The following SLC1A6 variants were observed in gnomAD, a reference collection of about 807,000 sequenced individuals.
The protein encoded by SLC1A6 is solute carrier family 1 member 6, also known as excitatory amino acid transporter 4.
A neutral mutation model predicts 42.1 loss-of-function variants in SLC1A6; 15 were observed. The ratio of observed to expected loss-of-function variants is 0.36; its 90% CI spans 0.24 to 0.55. SLC1A6 has a LOEUF of 0.55. SLC1A6 is among the 20% of genes least tolerant of loss of function. SLC1A6 has a pLI of 0.88. For missense variants in SLC1A6, 542 were observed against 772.5 expected (o/e 0.70, Z 3.54); for synonymous variants, 317 against 319.7 (o/e 0.99, Z 0.09).
intron 1 of SLC1A6, among the ~76,000 whole-genome samples, chr19:15,002,865 T>C (rs1353066254): frequency 6.6e-6 from 1 of 151,458 alleles, no homozygotes; most frequent in Non-Finnish European, 1.5e-5. Flanking sequence ...AGGAAGACGT[T>C]GATGATGGAT....
intron 1 of SLC1A6, among the ~76,000 whole-genome samples, chr19:14,992,018 G>T (rs541932671): frequency 6.6e-6 from 1 of 152,122 alleles, no homozygotes; most frequent in Non-Finnish European, 1.5e-5. Context: ...TAGAGACGGG[G>T]TTTCACCATG....
At chr19:14,956,362 T>C (rs2045463075) in intron 7 of SLC1A6, 114 bp downstream of exon 7, 1 of 649,838 alleles carries the variant, frequency 1.5e-6, no homozygotes, top group Non-Finnish European at 2.6e-6. Context: ...TGGACATTGT[T>C]GGACGACTCA....
chr19:14,975,027 A>G (rs2045687835), intron 1 of SLC1A6: 1 of 120,712 alleles, frequency 8.3e-6, no homozygotes, highest in African/African-American at 3.6e-5. Flanking sequence ...ATTAAAATGA[A>G]TATGTTAATA....
Position 14,962,313 on chromosome 19 carries a change from GGTTACCACCCTC to G in SLC1A6, c.612_623del (p.Val206_Arg209del). The G allele has an allele frequency of 6.2e-7, 1 of 1,614,086 alleles. No individual in the cohort carries two copies. The highest frequency in any genetic ancestry group is 8.5e-7 in the Non-Finnish European group (1 of 1,180,004). On this transcript the variant is annotated inframe_deletion, in exon 6 of 10. Coordinates refer to ENST00000594383, the MANE Select transcript of SLC1A6 (RefSeq NM_005071.3). ...CGTTCTCTGTCCTCACCATGGTCCT[GGTTACCACCCTC>G]GTGCTGTACTGCGTCTTGAACTGAA... is the stretch of plus-strand genomic sequence containing the variant.
chr19:14,960,624 C>A (rs2045501240), intron 6 of SLC1A6, among the ~76,000 whole-genome samples: 1 of 152,180 alleles, frequency 6.6e-6, no homozygotes, highest in Non-Finnish European at 1.5e-5. Flanking sequence ...CTTGTGACAA[C>A]ACAGATGAAC....
rs993487319 is a variant in SLC1A6 at position 14,979,050 on chromosome 19, T to TCTCA, written c.-8+258_-8+259insTGAG. On this transcript the variant is annotated intron_variant, in intron 1 of 9. Transcript: ENST00000594383. The surrounding 1 kb of genome is among the most constrained non-coding windows in gnomAD (Gnocchi z 4.2). ...CAAATTCAGTCTCTCTCTCTCTCTG[T>TCTCA]CACACACACACACACACACACACAC... is the stretch of plus-strand genomic sequence containing the variant. Among the ~76,000 whole-genome samples, 13 of 131,406 alleles carry TCTCA rather than the reference T, an allele frequency of 9.9e-5. No homozygotes were observed. In the East Asian group the frequency reaches 1.2e-3, roughly 12 times the overall value. The allele number at this position is 131,406 out of a possible 152,430, so 86.2% of individuals were successfully genotyped here.
chr19:14,954,084 G>T, intron 8 of SLC1A6, 51 bp downstream of exon 8: 3 of 1,403,080 alleles, frequency 2.1e-6, no homozygotes, highest in Non-Finnish European at 2.9e-6. Flanking sequence ...CAGCCAAGCT[G>T]ATGACCGCTT....
At chr19:14,982,120 G>A (rs1202455042), upstream of SLC1A6, among the ~76,000 whole-genome samples, 1 of 151,992 alleles carries the variant, frequency 6.6e-6, no homozygotes, top group African/African-American at 2.4e-5. Context: ...TGTCACAGCC[G>A]AGAGGAGTCT....
In SLC1A6 at chr19:14,952,948, G is replaced by T. The variant is rs780423251; in HGVS notation, c.1479C>A (p.Ile493=). 5 of 1,613,850 alleles carry T rather than the reference G, an allele frequency of 3.1e-6. No individual in the cohort carries two copies. Among genetic ancestry groups the T allele is most frequent in the Non-Finnish European group, 4.2e-6 (5 of 1,179,936 alleles). The stretch of plus-strand genomic sequence containing the variant: ...CTCACAGGAACCAGTCCACGGCAAT[G>T]ATGAGCGTGATGTCTTCCGTGGGCA... ...VGLPTEDITL[I]IAVDWFLDRL... The change falls in exon 9 of 10, where the codon ATC becomes ATA. Residue 493 remains isoleucine, a synonymous_variant. Coordinates refer to ENST00000594383, the MANE Select transcript of SLC1A6 (RefSeq NM_005071.3).
intron 1 of SLC1A6, among the ~76,000 whole-genome samples, chr19:14,996,038 A>G (rs1394193722): frequency 6.6e-6 from 1 of 152,132 alleles, no homozygotes; most frequent in East Asian, 1.9e-4. Flanking sequence ...ATAGAAGGAA[A>G]CACGGTAGAA....
chr19:14,976,620 G>A (rs2045714115), intron 1 of SLC1A6: 1 of 152,082 alleles, frequency 6.6e-6, no homozygotes, highest in African/African-American at 2.4e-5. Flanking sequence ...CTGACCTCAG[G>A]TGATTCACCC....
Position 14,956,699 on chromosome 19 carries a change from C to T in SLC1A6, c.946G>A (p.Val316Met). 6.2e-7 allele frequency: 1 copy of T among 1,610,556 alleles called. No individual in the cohort carries two copies. The highest frequency in any genetic ancestry group is 8.5e-7 in the Non-Finnish European group (1 of 1,177,790). ...CCAGCAATCAGGAACAGGATGCCCA[C>T]AGGTGCATACCTGTGTGAGGGAGCC... ...LVGIIIWYAP[V>M]GILFLIAGKI... Residue 316 changes from valine to methionine, a missense_variant, in exon 7 of 10, where the codon GTG (valine) becomes ATG (methionine). This residue lies in a region of SLC1A6 where 298 missense variants were observed against 419.4 expected (regional missense o/e 0.71). Transcript: ENST00000594383.
At chr19:15,000,073 T>C (rs2045865898) in intron 1 of SLC1A6, among the ~76,000 whole-genome samples, 2 of 119,586 alleles carry the variant, frequency 1.7e-5, no homozygotes, top group South Asian at 5.6e-4. Flanking sequence ...CAATGAAAAA[T>C]AGGTTTTGTG....
intron 4 of SLC1A6, among the ~76,000 whole-genome samples, chr19:14,965,769 GAA>G (rs918391609): frequency 2.0e-5 from 3 of 150,956 alleles, no homozygotes; most frequent in Non-Finnish European, 4.4e-5. Context: ...AGAATCGCTT[GAA>G]CCCGAAAGGC....
intron 1 of SLC1A6, among the ~76,000 whole-genome samples, chr19:15,003,822 T>G (rs996580374): frequency 1.1e-4 from 16 of 152,102 alleles, no homozygotes; most frequent in Non-Finnish European, 2.9e-5. Context: ...CCCAGCAAAG[T>G]TGCAAAAAGG....
intron 1 of SLC1A6, among the ~76,000 whole-genome samples, chr19:15,005,889 C>G (rs2045893808): frequency 6.6e-6 from 1 of 152,232 alleles, no homozygotes; most frequent in Non-Finnish European, 1.5e-5. Context: ...TCTCAGGTAG[C>G]TTGGTACAAG....
At position 14,984,949 on chromosome 19, in the gene SLC1A6, T is replaced by C. The variant is rs184657525; in HGVS notation, c.7-12032A>G. 4.1e-3 allele frequency among the ~76,000 whole-genome samples: 627 copies of C among 152,156 alleles called. 5 individuals carry two copies. Among genetic ancestry groups the C allele is most frequent in the African/African-American group, 0.014 (588 of 41,498 alleles). ...CAGGCTGGAGTGCAGTGGTGTGATC[T>C]CGGCTCACTGCAACCTCCACCTCCT... On this transcript the variant is annotated intron_variant, in intron 1 of 8. Coordinates refer to the SLC1A6 transcript ENST00000430939.
At chr19:14,998,021 G>A (rs78191667) in intron 1 of SLC1A6, among the ~76,000 whole-genome samples, 2 of 151,368 alleles carry the variant, frequency 1.3e-5, no homozygotes, top group Non-Finnish European at 1.5e-5. Flanking sequence ...GTGTGTGTGT[G>A]TATGCACTAT....
upstream of SLC1A6, among the ~76,000 whole-genome samples, chr19:14,983,692 AAAC>A (rs1225352262): frequency 6.6e-6 from 1 of 150,408 alleles, no homozygotes; most frequent in Non-Finnish European, 1.5e-5. Flanking sequence ...TAGCTCTAAA[AAAC>A]AACAACAACA....
Sources: allele counts gnomAD v4.1 joint callset (sites outside exome capture counted in the v4.1 genomes callset), GRCh38; gene constraint gnomAD v4.1.1; regional missense constraint gnomAD v4.1.1; non-coding constraint Gnocchi (gnomAD v3.1); transcripts MANE v1.5; gene names NCBI Gene and HGNC (gene_info 2026-07-23, HGNC 2026-07-21).